Variants in SVOPL observed in about 807,000 individuals in gnomAD.
SVOPL encodes SVOP like.
A neutral mutation model predicts 61.0 loss-of-function variants in SVOPL; 60 were observed. The observed-to-expected ratio is 0.98, with a 90% confidence interval of 0.80 to 1.22. The LOEUF (loss-of-function observed/expected upper bound fraction) is 1.22. Ranked by LOEUF, SVOPL falls within the 50% of genes most tolerant of loss-of-function variation. The probability of loss-of-function intolerance (pLI) is 0.00; values close to 1 mark genes in which losing one functional copy is unlikely to be tolerated. For missense variants in SVOPL, 662 were observed against 643.9 expected (o/e 1.03, Z -0.30); for synonymous variants, 279 against 250.0 (o/e 1.12, Z -1.09).
chr7:138,612,436 TA>T (rs60800575), intron 14 of SVOPL, among the ~76,000 whole-genome samples: 560 of 17,862 alleles, frequency 0.031, 99 homozygotes, highest in African/African-American at 0.12. Flanking sequence ...AAATAAAAAA[TA>T]AAAAAAAAAT....
Position 138,646,368 on chromosome 7 carries a change from C to T in SVOPL, c.661-1523G>A, listed in dbSNP as rs1801111644. ...CTACAATATCACCTTCTTACAGATT[C>T]ATAGGTATGTGGCCAAAGGAACAAC... On this transcript the variant is annotated intron_variant, in intron 8 of 15. Coordinates refer to ENST00000674285, the MANE Select transcript of SVOPL (RefSeq NM_001139456.2). 4.2e-5 allele frequency: 8 copies of T among 188,824 alleles called. 1 individual carries two copies. In the South Asian group the frequency reaches 9.1e-4, roughly 22 times the overall value. The allele number at this position is 188,824 out of a possible 1,614,324, so 11.7% of individuals were successfully genotyped here. A position where few individuals can be genotyped will look rare whatever the true frequency, so the allele number is the denominator to read the frequency against.
At chr7:138,649,618 A>G (rs947869310) in intron 7 of SVOPL, among the ~76,000 whole-genome samples, 2 of 152,032 alleles carry the variant, frequency 1.3e-5, no homozygotes, top group South Asian at 2.1e-4. Context: ...TTTCATCACT[A>G]AAGAACTCTG....
At chr7:138,626,108 T>TG in intron 12 of SVOPL, 58 bp from the exon 13 acceptor site, 3 of 1,512,126 alleles carry the variant, frequency 2.0e-6, no homozygotes, top group Non-Finnish European at 2.7e-6. Context: ...CCACCTCCAG[T>TG]GGCCCAGCTT....
intron 1 of SVOPL, among the ~76,000 whole-genome samples, chr7:138,700,874 T>A (rs372242093): frequency 6.6e-6 from 1 of 152,132 alleles, no homozygotes; most frequent in South Asian, 2.1e-4. Context: ...AGATTGGGGA[T>A]TTTCCCTGAA....
At chr7:138,653,184 C>T (rs571027688) in intron 7 of SVOPL, among the ~76,000 whole-genome samples, 3 of 152,266 alleles carry the variant, frequency 2.0e-5, no homozygotes, top group East Asian at 1.9e-4. Flanking sequence ...TAAGGGAAGA[C>T]GCTGTCTCCG....
At chr7:138,662,297 T>C (rs1015279803) in intron 5 of SVOPL, 1 of 985,490 alleles carries the variant, frequency 1.0e-6, no homozygotes, top group Non-Finnish European at 1.2e-6. Flanking sequence ...AACTTGCATC[T>C]GTTTCCTACT....
At chr7:138,692,752 A>T (rs553583110) in intron 1 of SVOPL, among the ~76,000 whole-genome samples, 1 of 152,254 alleles carries the variant, frequency 6.6e-6, no homozygotes, top group East Asian at 1.9e-4. Context: ...CATGGCCATA[A>T]AAAAAGGGGC....
intron 1 of SVOPL, among the ~76,000 whole-genome samples, chr7:138,691,130 T>C (rs961757547): frequency 6.6e-6 from 1 of 152,228 alleles, no homozygotes; most frequent in East Asian, 1.9e-4. Context: ...GTCAATTATA[T>C]GTTTATTCCT....
intron 9 of SVOPL, among the ~76,000 whole-genome samples, chr7:138,634,056 T>C (rs1351806603): frequency 6.6e-6 from 1 of 152,192 alleles, no homozygotes; most frequent in Non-Finnish European, 1.5e-5. Context: ...GCCTTTCCCA[T>C]GATCCTGCCA....
rs542951871 is a variant in SVOPL at position 138,649,114 on chromosome 7, C to T, written c.558G>A (p.Leu186=). ...TCACAGAGGCCAAGCCAATGATGAGCAGGGAGCCCGCAAGCCAGAACACCT... is the reference window on the plus strand; with the variant it reads ...TCACAGAGGCCAAGCCAATGATGAGTAGGGAGCCCGCAAGCCAGAACACCT... ...LSQVFWLAGS[L]LIIGLASVII... is the part of the protein sequence containing the mutation. Residue 186 remains leucine, a synonymous_variant, in exon 8 of 16, where the codon CTG becomes CTA. Coordinates refer to ENST00000674285, the MANE Select transcript of SVOPL (RefSeq NM_001139456.2). 224 of 1,613,088 alleles carry T rather than the reference C, an allele frequency of 1.4e-4. 5 individuals are homozygous for T. The South Asian group carries it at 2.4e-3, about 17-fold the overall frequency.
intron 15 of SVOPL, among the ~76,000 whole-genome samples, chr7:138,595,676 T>A (rs1010575614): frequency 4.6e-5 from 7 of 152,200 alleles, no homozygotes; most frequent in African/African-American, 1.7e-4. Context: ...TCGACTTGTG[T>A]CTTAGTTTCC....
At chr7:138,618,306 CT>C (rs757102340) in intron 14 of SVOPL, among the ~76,000 whole-genome samples, 3 of 152,128 alleles carry the variant, frequency 2.0e-5, no homozygotes, top group Non-Finnish European at 2.9e-5. Flanking sequence ...ATTTATTCAT[CT>C]CATTTCATCC....
At chr7:138,693,627 GAAGA>G (rs1309108549) in intron 1 of SVOPL, among the ~76,000 whole-genome samples, 1 of 147,750 alleles carries the variant, frequency 6.8e-6, no homozygotes, top group Admixed American at 6.8e-5. Context: ...AAAGAAAAAA[GAAGA>G]AAGAAGGGAG....
At chr7:138,687,228 C>CTTTTTTTTTTTTTTT in intron 1 of SVOPL, among the ~76,000 whole-genome samples, 1 of 77,024 alleles carries the variant, frequency 1.3e-5, no homozygotes, top group Non-Finnish European at 2.3e-5. Flanking sequence ...CTTTTTTCCT[C>CTTTTTTTTTTTTTTT]TTTTTTTTTT....
intron 13 of SVOPL, among the ~76,000 whole-genome samples, chr7:138,622,126 C>CGACAGAG (rs1799650667): frequency 1.4e-5 from 1 of 72,726 alleles, no homozygotes; most frequent in Non-Finnish European, 3.3e-5. Context: ...ATCTATGTAT[C>CGACAGAG]TATCTATCTA....
chr7:138,641,635 C>G (rs1230388848), intron 9 of SVOPL, among the ~76,000 whole-genome samples: 2 of 139,004 alleles, frequency 1.4e-5, no homozygotes, highest in African/African-American at 2.7e-5. Context: ...CATGCCACTA[C>G]ACTCCAGCCT....
At chr7:138,698,367 T>C (rs1288899415) in intron 1 of SVOPL, among the ~76,000 whole-genome samples, 1 of 152,198 alleles carries the variant, frequency 6.6e-6, no homozygotes, top group Non-Finnish European at 1.5e-5. Context: ...GTGAAGGTTG[T>C]TGGGGCTTCA....
chr7:138,657,475 A>C (rs1318754336), intron 6 of SVOPL, among the ~76,000 whole-genome samples: 2 of 150,974 alleles, frequency 1.3e-5, no homozygotes, highest in African/African-American at 4.9e-5. Flanking sequence ...TGGGAAATTA[A>C]AATACACCTG....
At position 138,663,094 on chromosome 7, in the gene SVOPL, C is replaced by G; in HGVS notation, c.325G>C (p.Asp109His). The G allele has an allele frequency of 6.2e-7, 1 of 1,614,164 alleles. No individual in the cohort carries two copies. Among genetic ancestry groups the G allele is most frequent in the Non-Finnish European group, 8.5e-7 (1 of 1,180,036 alleles). Residue 109 changes from aspartate to histidine, a missense_variant, in exon 5 of 16, where the codon GAC (aspartate) becomes CAC (histidine). Coordinates refer to ENST00000674285, the MANE Select transcript of SVOPL (RefSeq NM_001139456.2). The part of the protein sequence containing the change: ...VFSILFGLLA[D>H]RYGRWKILLI... ...CCTACCTTCCAGCGGCCATATCTGTCAGCCAGGAGGCCAAAGAGGATACTG... is the reference window on the plus strand; with the variant it reads ...CCTACCTTCCAGCGGCCATATCTGTGAGCCAGGAGGCCAAAGAGGATACTG...
Sources: gnomAD v4.1 joint callset for allele counts (sites outside exome capture counted in the v4.1 genomes callset) on GRCh38, gnomAD v4.1.1 for gene constraint, MANE v1.5 for transcripts, NCBI Gene and HGNC (gene_info 2026-07-23, HGNC 2026-07-21) for gene names.